Variants in PPP2R5A observed in about 807,000 individuals in gnomAD.
The protein encoded by PPP2R5A is serine/threonine-protein phosphatase 2A 56 kDa regulatory subunit alpha isoform.
Under a neutral mutation model 64.2 loss-of-function variants are expected in PPP2R5A, and 25 were observed. That is an observed-to-expected ratio of 0.39 (90% CI 0.28 to 0.54). The LOEUF (loss-of-function observed/expected upper bound fraction) is 0.54. Ranked by LOEUF, PPP2R5A falls within the 20% of genes least tolerant of loss-of-function variation. PPP2R5A has a pLI of 0.67. For missense variants in PPP2R5A, 425 were observed against 576.3 expected (o/e 0.74, Z 2.69); for synonymous variants, 198 against 201.2 (o/e 0.98, Z 0.13).
At chr1:212,287,024 CAG>C (rs1658516787) in intron 1 of PPP2R5A, among the ~76,000 whole-genome samples, 1 of 152,168 alleles carries the variant, frequency 6.6e-6, no homozygotes, top group East Asian at 1.9e-4. Flanking sequence ...TGTTGCTTTG[CAG>C]TCGAATGGGA....
In PPP2R5A at chr1:212,360,644, AAAG is replaced by A. The variant is rs1247587584; in HGVS notation, c.1339_1341del (p.Lys447del). The A allele has an allele frequency of 6.4e-7, 1 of 1,565,582 alleles. No individual in the cohort carries two copies. Among genetic ancestry groups the A allele is most frequent in the Non-Finnish European group, 8.6e-7 (1 of 1,161,364 alleles). ...AATTTTGGTTTATCTACAGAGAGAA[AAAG>A]AAGGAATTGGAACGTGAAGAATTAT... On this transcript the variant is annotated inframe_deletion, in exon 13 of 13. Coordinates refer to ENST00000261461, the MANE Select transcript of PPP2R5A (RefSeq NM_006243.4).
At chr1:212,313,365 T>C (rs1659076012) in intron 1 of PPP2R5A, among the ~76,000 whole-genome samples, 1 of 152,246 alleles carries the variant, frequency 6.6e-6, no homozygotes, top group Non-Finnish European at 1.5e-5. Flanking sequence ...GTATGACATT[T>C]CATGTATAAA....
intron 1 of PPP2R5A, among the ~76,000 whole-genome samples, chr1:212,313,339 A>C (rs1400058981): frequency 3.3e-5 from 5 of 152,176 alleles, no homozygotes; most frequent in Non-Finnish European, 5.9e-5. Context: ...TTCTTACCCA[A>C]TAGGTATAAA....
At position 212,289,764 on chromosome 1, in the gene PPP2R5A, A is replaced by C. The variant is rs926288871; in HGVS notation, c.181+3473A>C. 2.0e-5 allele frequency among the ~76,000 whole-genome samples: 3 copies of C among 152,204 alleles called. No homozygotes were observed. In the East Asian group the frequency reaches 5.8e-4, roughly 29 times the overall value. ...AAAATCCAGATTAAAAATATTTTTA[A>C]ATGAAGGATTATTAATAGGATTACT... is the stretch of plus-strand genomic sequence containing the variant. On this transcript the variant is annotated intron_variant, in intron 1 of 12. Transcript: ENST00000261461.
At chr1:212,356,600 C>A in intron 8 of PPP2R5A, 26 bp from the exon 9 acceptor site, 1 of 1,601,526 alleles carries the variant, frequency 6.2e-7, no homozygotes, top group Non-Finnish European at 8.5e-7. Flanking sequence ...TTATTAAATT[C>A]ATGCTAAACT....
intron 1 of PPP2R5A, among the ~76,000 whole-genome samples, chr1:212,290,690 TG>T (rs1658584250): frequency 6.6e-6 from 1 of 152,192 alleles, no homozygotes; most frequent in Non-Finnish European, 1.5e-5. Context: ...CTTATCTGAT[TG>T]TTAATTGTGG....
At chr1:212,349,359 T>C in intron 8 of PPP2R5A, 117 bp downstream of exon 8, 3 of 691,288 alleles carry the variant, frequency 4.3e-6, no homozygotes, top group Non-Finnish European at 6.5e-6. Context: ...GCTAAAATCA[T>C]TTAGAAGAAG....
intron 12 of PPP2R5A, 73 bp downstream of exon 12, chr1:212,358,860 T>C: frequency 8.2e-7 from 1 of 1,212,326 alleles, no homozygotes; most frequent in Admixed American, 2.0e-5. Flanking sequence ...TTCAGGAAGG[T>C]ATCTTCTCTC....
chr1:212,301,370 G>A (rs2102414683), intron 1 of PPP2R5A, among the ~76,000 whole-genome samples: 1 of 152,282 alleles, frequency 6.6e-6, no homozygotes, highest in South Asian at 2.1e-4. Flanking sequence ...CATTTGAATG[G>A]TAATTGATTA....
Position 212,286,161 on chromosome 1 carries a change from C to A in PPP2R5A, c.51C>A (p.Ala17=). Residue 17 remains alanine, a synonymous_variant, in exon 1 of 13, where the codon GCC becomes GCA. Transcript: ENST00000261461. ...PAGAASAAIS[A]SEKVDGFTRK... is the part of the protein sequence containing the mutation. ...GGGCTGCCAGCGCCGCCATCTCGGC[C>A]TCGGAGAAAGTGGACGGCTTCACCC... The A allele has an allele frequency of 6.3e-7, 1 of 1,591,060 alleles. No homozygotes were observed. Among genetic ancestry groups the A allele is most frequent in the East Asian group, 2.3e-5 (1 of 43,470 alleles).
At chr1:212,333,889 A>G (rs973760413) in intron 3 of PPP2R5A, 4 of 218,960 alleles carry the variant, frequency 1.8e-5, no homozygotes, top group Non-Finnish European at 3.6e-5. Flanking sequence ...TAACTTTTCT[A>G]TCACCCCAAA....
chr1:212,331,997 G>A (rs1158151712), intron 2 of PPP2R5A, among the ~76,000 whole-genome samples: 3 of 152,108 alleles, frequency 2.0e-5, no homozygotes, highest in African/African-American at 7.2e-5. Flanking sequence ...TTTATTAGTG[G>A]CTACAAGGTT....
At chr1:212,341,917 T>C (rs1044602714) in intron 3 of PPP2R5A, among the ~76,000 whole-genome samples, 2 of 152,052 alleles carry the variant, frequency 1.3e-5, no homozygotes, top group Admixed American at 6.5e-5. Flanking sequence ...TTTTGATTAT[T>C]TGTATAGACA....
chr1:212,318,024 GA>G (rs1021908203), intron 1 of PPP2R5A, among the ~76,000 whole-genome samples: 10 of 152,144 alleles, frequency 6.6e-5, no homozygotes, highest in Admixed American at 2.6e-4. Context: ...AAGAATTTGG[GA>G]AAAACCTAGC....
chr1:212,321,312 C>T (rs1378585939), intron 1 of PPP2R5A, among the ~76,000 whole-genome samples: 21 of 140,250 alleles, frequency 1.5e-4, no homozygotes, highest in Admixed American at 2.8e-4. Context: ...GCTGGCCGGG[C>T]GAGGGGCTGA....
chr1:212,324,839 T>G (rs1383838159), intron 1 of PPP2R5A, among the ~76,000 whole-genome samples: 1 of 152,116 alleles, frequency 6.6e-6, no homozygotes, highest in African/African-American at 2.4e-5. Flanking sequence ...TCTTCTTACC[T>G]TGTGATCCAC....
intron 1 of PPP2R5A, chr1:212,309,132 C>T: frequency 9.4e-7 from 1 of 1,067,420 alleles, no homozygotes; most frequent in Non-Finnish European, 1.4e-6. Context: ...CTCCATCAGG[C>T]CGAATCAGGG....
At chr1:212,287,040 T>TA (rs1658517203) in intron 1 of PPP2R5A, among the ~76,000 whole-genome samples, 1 of 152,200 alleles carries the variant, frequency 6.6e-6, no homozygotes, top group South Asian at 2.1e-4. Flanking sequence ...AATGGGAACT[T>TA]AGTTTGCCAG....
intron 1 of PPP2R5A, among the ~76,000 whole-genome samples, chr1:212,322,271 A>AGAGGGT (rs1558147159): frequency 6.9e-6 from 1 of 144,376 alleles, no homozygotes; most frequent in Admixed American, 6.9e-5. Flanking sequence ...GAGAGGAGGG[A>AGAGGGT]GAGGGAGAGG....
Sources: gnomAD v4.1 joint callset for allele counts (sites outside exome capture counted in the v4.1 genomes callset) on GRCh38, gnomAD v4.1.1 for gene constraint, MANE v1.5 for transcripts, NCBI Gene and HGNC (gene_info 2026-07-23, HGNC 2026-07-21) for gene names.